KCNK2: variants seen among roughly 807,000 people sequenced by gnomAD.
KCNK2 encodes the protein potassium two pore domain channel subfamily K member 2, also known as potassium channel subfamily K member 2.
A neutral mutation model predicts 40.5 loss-of-function variants in KCNK2; 21 were observed. The ratio of observed to expected loss-of-function variants is 0.52; its 90% confidence interval spans 0.37 to 0.75. KCNK2 has a LOEUF of 0.75. Among genes scored for constraint, KCNK2 ranks in the 30% least tolerant of loss-of-function variants. The pLI, the probability that KCNK2 is intolerant of heterozygous loss-of-function variation, is 0.00. For synonymous variants in KCNK2, 191 were observed against 202.2 expected (o/e 0.94, Z 0.47); for missense variants, 399 against 531.6 (o/e 0.75, Z 2.45).
At chr1:215,127,488 C>T (rs1221646226) in intron 3 of KCNK2, among the ~76,000 whole-genome samples, 1 of 152,202 alleles carries the variant, frequency 6.6e-6, no homozygotes, top group Non-Finnish European at 1.5e-5. Flanking sequence ...TATGCCACTT[C>T]CATTCCATAT....
chr1:215,133,916 A>C (rs1661780619), intron 3 of KCNK2, among the ~76,000 whole-genome samples: 1 of 152,164 alleles, frequency 6.6e-6, no homozygotes, highest in Admixed American at 6.5e-5. Context: ...ATGCACATTA[A>C]TTGCTAATCT....
At chr1:215,162,060 C>T (rs1435957967) in intron 3 of KCNK2, among the ~76,000 whole-genome samples, 1 of 152,256 alleles carries the variant, frequency 6.6e-6, no homozygotes, top group East Asian at 1.9e-4. Flanking sequence ...AACAGCATTC[C>T]TATTTCTCCA....
intron 1 of KCNK2, among the ~76,000 whole-genome samples, chr1:215,057,536 T>C (rs1464820288): frequency 1.3e-5 from 2 of 152,160 alleles, no homozygotes; most frequent in East Asian, 3.9e-4. Flanking sequence ...GAAGCTACAG[T>C]GACCTGCTTT....
At chr1:215,221,321 C>T (rs888949044) in intron 6 of KCNK2, among the ~76,000 whole-genome samples, 1 of 152,172 alleles carries the variant, frequency 6.6e-6, no homozygotes, top group Non-Finnish European at 1.5e-5. Flanking sequence ...TTGCAGTGAG[C>T]TGAGATCGCG....
intron 5 of KCNK2, among the ~76,000 whole-genome samples, chr1:215,189,308 G>A (rs1664570048): frequency 6.6e-6 from 1 of 152,148 alleles, no homozygotes; most frequent in South Asian, 2.1e-4. Context: ...TTCAGTGATT[G>A]ATAATTACGG....
intron 1 of KCNK2, among the ~76,000 whole-genome samples, chr1:215,057,453 T>C (rs529453747): frequency 4.1e-4 from 62 of 152,166 alleles, no homozygotes; most frequent in African/African-American, 1.4e-3. Context: ...AGGACCCACA[T>C]GGGTGACAGT....
intron 2 of KCNK2, among the ~76,000 whole-genome samples, chr1:215,101,876 T>G (rs1244819530): frequency 6.6e-6 from 1 of 152,064 alleles, no homozygotes; most frequent in Non-Finnish European, 1.5e-5. Context: ...CATACAATTA[T>G]GTACTACCTA....
At chr1:215,029,063 A>G (rs1179804544) in intron 1 of KCNK2, among the ~76,000 whole-genome samples, 1 of 152,072 alleles carries the variant, frequency 6.6e-6, no homozygotes, top group Non-Finnish European at 1.5e-5. Context: ...CCATACATGA[A>G]AAGCTTCCCG....
At chr1:215,165,975 T>G (rs143274461) in intron 3 of KCNK2, among the ~76,000 whole-genome samples, 384 of 152,276 alleles carry the variant, frequency 2.5e-3, no homozygotes, top group African/African-American at 9.0e-3. Flanking sequence ...TCAGTTAATT[T>G]TAGGCTCTAA....
intron 1 of KCNK2, among the ~76,000 whole-genome samples, chr1:215,016,335 A>G (rs1309533314): frequency 2.6e-5 from 4 of 152,096 alleles, no homozygotes. Context: ...GAGGCATCAC[A>G]CTCCCTGATT....
At chr1:215,180,815 G>A (rs1466211194) in intron 5 of KCNK2, among the ~76,000 whole-genome samples, 2 of 152,100 alleles carry the variant, frequency 1.3e-5, no homozygotes, top group African/African-American at 4.8e-5. Flanking sequence ...TTGACCTCAG[G>A]CAGTCTGGTG....
chr1:215,053,052 T>A (rs1465898701), intron 1 of KCNK2, among the ~76,000 whole-genome samples: 2 of 152,154 alleles, frequency 1.3e-5, no homozygotes, highest in Admixed American at 6.5e-5. Flanking sequence ...ACCTGCAGGT[T>A]TTTTTGGTTT....
intron 1 of KCNK2, among the ~76,000 whole-genome samples, chr1:215,033,868 G>A (rs1657291351): frequency 6.6e-6 from 1 of 152,148 alleles, no homozygotes; most frequent in African/African-American, 2.4e-5. Context: ...GAAGCATGAG[G>A]GAATTTCTCC....
At chr1:215,184,853 T>C (rs1045939466) in intron 5 of KCNK2, among the ~76,000 whole-genome samples, 1 of 152,096 alleles carries the variant, frequency 6.6e-6, no homozygotes, top group Non-Finnish European at 1.5e-5. Context: ...ATTCAGTATG[T>C]GGCCCTCATG....
intron 4 of KCNK2, among the ~76,000 whole-genome samples, chr1:215,170,076 T>C (rs1663633451): frequency 6.6e-6 from 1 of 152,166 alleles, no homozygotes; most frequent in Non-Finnish European, 1.5e-5. Flanking sequence ...TGAGGGTAGG[T>C]GGCATTATAA....
At position 215,231,491 on chromosome 1, in the gene KCNK2, A is replaced by T. The variant is rs540716046; in HGVS notation, c.964-3337A>T. On this transcript the variant is annotated intron_variant, in intron 6 of 6. Coordinates refer to ENST00000444842, the MANE Select transcript of KCNK2 (RefSeq NM_001017425.3). ...TCTTTTAAATATATTAACTTATTTG[A>T]TTGTTATACCAACTCTATAGGGACG... 7.2e-5 allele frequency among the ~76,000 whole-genome samples: 11 copies of T among 152,238 alleles called. No individual in the cohort carries two copies. The South Asian group carries it at 1.9e-3, about 26-fold the overall frequency.
chr1:215,230,945 T>G (rs1016290559), intron 6 of KCNK2, among the ~76,000 whole-genome samples: 3 of 152,190 alleles, frequency 2.0e-5, no homozygotes, highest in Admixed American at 1.3e-4. Flanking sequence ...ATTAATAATT[T>G]ATGGACTCCA....
rs1317036856 is a variant in KCNK2 at position 215,086,680 on chromosome 1, T to G, written c.357+2T>G. ...ACGGAGCTGGATGAACTCATTCAGGTAATGGCATGGGAGGAGTTGTTACTC... is the reference window on the plus strand; with the variant it reads ...ACGGAGCTGGATGAACTCATTCAGGGAATGGCATGGGAGGAGTTGTTACTC... On this transcript the variant is annotated splice_donor_variant, in intron 2 of 6. Transcript: ENST00000444842. LOFTEE classifies it high-confidence loss of function. 1 of 1,611,334 alleles carries G rather than the reference T, an allele frequency of 6.2e-7. No homozygotes were observed. The highest frequency in any genetic ancestry group is 1.1e-5 in the South Asian group (1 of 90,838).
chr1:215,117,692 T>A (rs1661008272), intron 2 of KCNK2, among the ~76,000 whole-genome samples: 3 of 152,132 alleles, frequency 2.0e-5, no homozygotes, highest in African/African-American at 4.8e-5. Context: ...TGAAGAGCAA[T>A]ATGCTAGTGT....
Sources: gnomAD v4.1 joint callset for allele counts (sites outside exome capture counted in the v4.1 genomes callset) on GRCh38, gnomAD v4.1.1 for gene constraint, MANE v1.5 for transcripts, NCBI Gene and HGNC (gene_info 2026-07-23, HGNC 2026-07-21) for gene names.